The following CMKLR2 variants were observed in gnomAD, a reference collection of about 807,000 sequenced individuals.
CMKLR2 encodes the protein chemerin chemokine-like receptor 2.
Under a neutral mutation model 23.0 loss-of-function variants are expected in CMKLR2, and 18 were observed. That is an observed-to-expected ratio of 0.78 (90% CI 0.54 to 1.16). The LOEUF (loss-of-function observed/expected upper bound fraction) is 1.16. Among genes scored for constraint, CMKLR2 ranks in the 50% most tolerant of loss-of-function variants. CMKLR2 has a pLI of 0.00. For missense variants in CMKLR2, 401 were observed against 412.7 expected (o/e 0.97, Z 0.25); for synonymous variants, 158 against 158.9 (o/e 0.99, Z 0.05).
chr2:206,206,203 C>T (rs1268822396), intron 1 of CMKLR2, among the ~76,000 whole-genome samples: 1 of 152,152 alleles, frequency 6.6e-6, no homozygotes, highest in East Asian at 1.9e-4. Context: ...TTTTTCCCAA[C>T]TTGTTTGTTG....
intron 1 of CMKLR2, among the ~76,000 whole-genome samples, chr2:206,186,285 G>A (rs1017010464): frequency 6.6e-6 from 1 of 151,922 alleles, no homozygotes; most frequent in Non-Finnish European, 1.5e-5. Flanking sequence ...CTAATTTTTT[G>A]TGTTTTTAGT....
In CMKLR2 at chr2:206,200,775, C is replaced by T. The variant is rs559235732; in HGVS notation, c.-29+12532G>A. Among the ~76,000 whole-genome samples, 39 of 152,214 alleles carry T rather than the reference C, an allele frequency of 2.6e-4. 1 individual carries two copies. In the South Asian group the frequency reaches 7.9e-3, roughly 31 times the overall value. ...ATCGTACCTAATAGGCAGTTTATTT[C>T]TGACAAGGAACTTGGAAGGAACACA... On this transcript the variant is annotated intron_variant, in intron 1 of 1. Coordinates refer to ENST00000621141, the MANE Select transcript of CMKLR2 (RefSeq NM_001389445.1).
At position 206,176,163 on chromosome 2, in the gene CMKLR2, T is replaced by G. The variant is rs202100042; in HGVS notation, c.*17A>C. ...CCACATAAAAAGCCATATACTGATT[T>G]GTGGAAAAGTAATAACTTATTGAGC... On this transcript the variant is annotated 3_prime_UTR_variant, in exon 2 of 2. Transcript: ENST00000621141. 1.3e-6 allele frequency: 2 copies of G among 1,561,292 alleles called. No homozygotes were observed. Among genetic ancestry groups the G allele is most frequent in the African/African-American group, 1.4e-5 (1 of 73,296 alleles).
Position 206,207,728 on chromosome 2 carries a change from C to CTTTTTTTTTTTTTTTTTTTTTT in CMKLR2, c.-29+5557_-29+5578dup, listed in dbSNP as rs71034423. Among the ~76,000 whole-genome samples the CTTTTTTTTTTTTTTTTTTTTTT allele has an allele frequency of 4.4e-4, 19 of 43,572 alleles. 5 individuals are homozygous for CTTTTTTTTTTTTTTTTTTTTTT. The highest frequency in any genetic ancestry group is 2.4e-3 in the East Asian group (2 of 836). The allele number at this position is 43,572 out of a possible 152,430, so 28.6% of individuals were successfully genotyped here. A position where few individuals can be genotyped will look rare whatever the true frequency, so the allele number is the denominator to read the frequency against. On this transcript the variant is annotated intron_variant, in intron 1 of 1. Coordinates refer to ENST00000621141, the MANE Select transcript of CMKLR2 (RefSeq NM_001389445.1). Reference sequence around the variant, plus strand: ...ATCTGGGTCTGTCTGACCTCAGGGCCTTTTTTTTTTTTTTTTTTTTTTTTT... The same window carrying CTTTTTTTTTTTTTTTTTTTTTT: ...ATCTGGGTCTGTCTGACCTCAGGGCCTTTTTTTTTTTTTTTTTTTTTTTTTTTTTTTTTTTTTTTTTTTTTTT...
At chr2:206,212,390 CTT>C (rs34113410) in intron 1 of CMKLR2, among the ~76,000 whole-genome samples, 1 of 146,960 alleles carries the variant, frequency 6.8e-6, no homozygotes. Flanking sequence ...GTCCCTTGGC[CTT>C]TTTTTTTTTA....
At chr2:206,184,302 T>TC (rs1688506634) in intron 1 of CMKLR2, among the ~76,000 whole-genome samples, 1 of 139,762 alleles carries the variant, frequency 7.2e-6, no homozygotes, top group African/African-American at 2.8e-5. Context: ...CTCTCTCTCT[T>TC]TTTTTTTTTT....
At chr2:206,197,593 GGGTTCAT>G (rs1437562345) in intron 1 of CMKLR2, among the ~76,000 whole-genome samples, 8 of 152,154 alleles carry the variant, frequency 5.3e-5, no homozygotes, top group African/African-American at 1.7e-4. Context: ...GAATGGAATG[GGGTTCAT>G]TATGGGAGCA....
chr2:206,214,119 G>A (rs1022297849), upstream of CMKLR2, among the ~76,000 whole-genome samples: 1 of 145,956 alleles, frequency 6.9e-6, no homozygotes, highest in Non-Finnish European at 1.5e-5. Flanking sequence ...CTCCCAAAGT[G>A]CTGGGATTAC....
At chr2:206,177,309 T>G (rs2105797680) in intron 1 of CMKLR2, 34 bp from the exon 2 acceptor site, 1 of 1,056,014 alleles carries the variant, frequency 9.5e-7, no homozygotes, top group East Asian at 2.5e-5. Flanking sequence ...AAGAAAAAAT[T>G]TTAAAAGAAA....
chr2:206,203,369 G>C (rs554756095), intron 1 of CMKLR2: 1 of 150,122 alleles, frequency 6.7e-6, no homozygotes, highest in Non-Finnish European at 1.5e-5. Flanking sequence ...CCCAACACCG[G>C]TGTCTTGCAT....
At chr2:206,182,425 G>T (rs1688443917) in intron 1 of CMKLR2, among the ~76,000 whole-genome samples, 1 of 152,156 alleles carries the variant, frequency 6.6e-6, no homozygotes, top group South Asian at 2.1e-4. Context: ...ATTAGACTGT[G>T]AACTCTTTGA....
At chr2:206,179,539 C>T (rs1298479145) in intron 1 of CMKLR2, among the ~76,000 whole-genome samples, 4 of 151,016 alleles carry the variant, frequency 2.6e-5, no homozygotes, top group African/African-American at 9.7e-5. Context: ...CCATGTTGGC[C>T]AGGATGGTCT....
intron 1 of CMKLR2, among the ~76,000 whole-genome samples, chr2:206,178,133 G>A (rs367762304): frequency 1.3e-5 from 2 of 152,220 alleles, no homozygotes; most frequent in East Asian, 1.9e-4. Flanking sequence ...AGATCTAGTG[G>A]CTCATGCTGT....
chr2:206,199,274 T>C (rs1177823754), intron 1 of CMKLR2, among the ~76,000 whole-genome samples: 1 of 152,160 alleles, frequency 6.6e-6, no homozygotes, highest in African/African-American at 2.4e-5. Context: ...GGCACATGCC[T>C]ACTATAATCC....
chr2:206,177,315 A>G, intron 1 of CMKLR2, 40 bp from the exon 2 acceptor site: 1 of 984,628 alleles, frequency 1.0e-6, no homozygotes, highest in South Asian at 1.7e-5. Context: ...AAATTTTAAA[A>G]GAAAAATAAA....
At chr2:206,210,237 C>T (rs143322678) in intron 1 of CMKLR2, among the ~76,000 whole-genome samples, 1 of 152,094 alleles carries the variant, frequency 6.6e-6, no homozygotes, top group African/African-American at 2.4e-5. Context: ...AGCCACCATG[C>T]CTGGCCCTGT....
intron 1 of CMKLR2, among the ~76,000 whole-genome samples, chr2:206,192,390 T>A (rs944968730): frequency 6.7e-5 from 10 of 149,438 alleles, no homozygotes; most frequent in Non-Finnish European, 1.0e-4. Context: ...TTTATTATTT[T>A]TTATTTTTAT....
intron 1 of CMKLR2, among the ~76,000 whole-genome samples, chr2:206,199,593 AT>A (rs371033625): frequency 0.093 from 13,368 of 144,112 alleles, 713 homozygotes; most frequent in East Asian, 0.15. Flanking sequence ...GTATTACGGC[AT>A]TTTTTTTTTT....
At position 206,212,206 on chromosome 2, in the gene CMKLR2, A is replaced by G. The variant is rs550390867; in HGVS notation, c.-29+1101T>C. On this transcript the variant is annotated intron_variant, in intron 1 of 1. Transcript: ENST00000621141. ...AAATATTTATCTCAGGGACATGACAATTAGCAGTCAAGTAACAGAAAATGT... is the reference window on the plus strand; with the variant it reads ...AAATATTTATCTCAGGGACATGACAGTTAGCAGTCAAGTAACAGAAAATGT... Among the ~76,000 whole-genome samples, 104 of 152,324 alleles carry G rather than the reference A, an allele frequency of 6.8e-4. 1 individual carries two copies. Among genetic ancestry groups the G allele is most frequent in the Non-Finnish European group, 1.3e-3 (87 of 68,032 alleles).
Sources: allele counts gnomAD v4.1 joint callset (sites outside exome capture counted in the v4.1 genomes callset), GRCh38; gene constraint gnomAD v4.1.1; transcripts MANE v1.5; gene names NCBI Gene and HGNC (gene_info 2026-07-23, HGNC 2026-07-21).